The following NTAQ1 variants were observed in gnomAD, a reference collection of about 807,000 sequenced individuals.
NTAQ1 encodes the protein protein N-terminal glutamine amidohydrolase.
A neutral mutation model predicts 28.2 loss-of-function variants in NTAQ1; 21 were observed. The ratio of observed to expected loss-of-function variants is 0.74; its 90% CI spans 0.53 to 1.07. The LOEUF is 1.07. Among genes scored for constraint, NTAQ1 ranks in the 50% least tolerant of loss-of-function variants. The probability of loss-of-function intolerance (pLI) is 0.00; values close to 1 mark genes in which losing one functional copy is unlikely to be tolerated. For synonymous variants in NTAQ1, 105 were observed against 90.0 expected (o/e 1.17, Z -0.94); for missense variants, 264 against 256.6 (o/e 1.03, Z -0.20).
At chr8:123,475,645 G>A in the NTAQ1 span, among the ~76,000 whole-genome samples, 3 of 152,092 alleles carry the variant, frequency 2.0e-5, no homozygotes, top group African/African-American at 4.8e-5. Context: ...ATATCTCTAA[G>A]GCATACTTCT....
At chr8:123,439,931 G>T (rs548427466) in intron 5 of NTAQ1, among the ~76,000 whole-genome samples, 118 of 151,978 alleles carry the variant, frequency 7.8e-4, no homozygotes, top group Middle Eastern at 3.4e-3. Flanking sequence ...TCTAGCCTGG[G>T]TGACAGAGGG....
chr8:123,434,438 T>C (rs1586944551), intron 3 of NTAQ1, among the ~76,000 whole-genome samples: 1 of 151,846 alleles, frequency 6.6e-6, no homozygotes, highest in Non-Finnish European at 1.5e-5. Context: ...ACCAGCCTGG[T>C]CAACATGGTG....
chr8:123,420,592 T>TTTTC (rs1813620592), intron 1 of NTAQ1, among the ~76,000 whole-genome samples: 1 of 124,996 alleles, frequency 8.0e-6, no homozygotes, highest in Non-Finnish European at 1.6e-5. Flanking sequence ...TTTTTTGCCT[T>TTTTC]TTTTTTTTTT....
At chr8:123,473,357 G>A (rs895559588), downstream of NTAQ1, among the ~76,000 whole-genome samples, 17 of 150,308 alleles carry the variant, frequency 1.1e-4, no homozygotes, top group African/African-American at 3.4e-4. Context: ...GTGCAGTGGC[G>A]CGATCTTGGC....
At chr8:123,416,737 G>C, upstream of NTAQ1, 1 of 1,075,696 alleles carries the variant, frequency 9.3e-7, no homozygotes, top group Non-Finnish European at 1.2e-6. Flanking sequence ...TCTCCCCCCG[G>C]GCTCCGCCCA....
chr8:123,432,594 C>T (rs577542743), intron 3 of NTAQ1, among the ~76,000 whole-genome samples: 10 of 151,912 alleles, frequency 6.6e-5, no homozygotes, highest in African/African-American at 2.4e-4. Context: ...GAGATCATAC[C>T]ACTGTACTCC....
intron 1 of NTAQ1, among the ~76,000 whole-genome samples, chr8:123,425,733 G>T (rs1814012863): frequency 6.6e-6 from 1 of 152,030 alleles, no homozygotes; most frequent in African/African-American, 2.4e-5. Flanking sequence ...CTTTGGGCCG[G>T]GCGTGGTGGC....
chr8:123,469,280 C>G (rs1816019074), exon 7 of NTAQ1, among the ~76,000 whole-genome samples: 1 of 152,026 alleles, frequency 6.6e-6, no homozygotes, highest in Non-Finnish European at 1.5e-5. Context: ...AGTGTCATAC[C>G]AAGAAATCAT....
intron 2 of NTAQ1, 29 bp from the exon 3 acceptor site, chr8:123,429,954 T>C (rs1586938681): frequency 1.7e-5 from 26 of 1,555,640 alleles, no homozygotes; most frequent in African/African-American, 1.7e-4. Flanking sequence ...ACTAAAGGTA[T>C]GGCTTACGAA....
intron 1 of NTAQ1, among the ~76,000 whole-genome samples, 169 bp from the exon 2 acceptor site, chr8:123,427,755 A>T (rs1814151523): frequency 6.6e-6 from 1 of 152,184 alleles, no homozygotes. Context: ...TAGGTTGAAT[A>T]CCAGCTTGTT....
chr8:123,430,119 C>CA, intron 3 of NTAQ1, 86 bp downstream of exon 3: 2 of 984,070 alleles, frequency 2.0e-6, no homozygotes, highest in Non-Finnish European at 3.1e-6. Flanking sequence ...CAGAAGTGAC[C>CA]TAAGCAGTAG....
At chr8:123,465,157 C>T (rs1236326874) in intron 6 of NTAQ1, among the ~76,000 whole-genome samples, 3 of 152,178 alleles carry the variant, frequency 2.0e-5, no homozygotes, top group Admixed American at 6.5e-5. Flanking sequence ...AAGGGAGTTC[C>T]ATGTACCCTT....
intron 6 of NTAQ1, among the ~76,000 whole-genome samples, chr8:123,462,883 G>C (rs892420636): frequency 6.6e-6 from 1 of 152,192 alleles, no homozygotes; most frequent in African/African-American, 2.4e-5. Context: ...TAGGACTTGG[G>C]AGAAGATAAA....
chr8:123,432,831 G>A (rs539511651), intron 3 of NTAQ1, among the ~76,000 whole-genome samples: 5 of 151,812 alleles, frequency 3.3e-5, no homozygotes, highest in Admixed American at 3.3e-4. Flanking sequence ...CAGGCATGTG[G>A]CACACGCCTG....
intron 1 of NTAQ1, among the ~76,000 whole-genome samples, chr8:123,420,590 C>CTTTTTTTTTTTT (rs71310676): frequency 9.8e-6 from 1 of 102,034 alleles, no homozygotes; most frequent in Admixed American, 1.4e-4. Context: ...TATTTTTTGC[C>CTTTTTTTTTTTT]TTTTTTTTTT....
At chr8:123,440,230 G>A (rs1264854936) in intron 5 of NTAQ1, among the ~76,000 whole-genome samples, 1 of 123,160 alleles carries the variant, frequency 8.1e-6, no homozygotes, top group East Asian at 2.7e-4. Flanking sequence ...ATCTTGGCTT[G>A]CTACAACCTC....
chr8:123,455,144 G>T (rs182906409), intron 6 of NTAQ1: 1 of 152,314 alleles, frequency 6.6e-6, no homozygotes, highest in Non-Finnish European at 1.5e-5. Context: ...TCATAATTAA[G>T]ATGCCATAGC....
At chr8:123,457,299 T>TC (rs1479996657) in intron 6 of NTAQ1, among the ~76,000 whole-genome samples, 4 of 152,038 alleles carry the variant, frequency 2.6e-5, no homozygotes, top group South Asian at 2.1e-4. Flanking sequence ...ACTCCTGACT[T>TC]CAAGTGATCC....
chr8:123,445,790 G>C (rs753305297), downstream of NTAQ1, among the ~76,000 whole-genome samples: 46 of 151,736 alleles, frequency 3.0e-4, no homozygotes, highest in Middle Eastern at 3.4e-3. Flanking sequence ...ATTTTTAATA[G>C]AGACAGGGTT....
Sources: allele counts gnomAD v4.1 joint callset (sites outside exome capture counted in the v4.1 genomes callset), GRCh38; gene constraint gnomAD v4.1.1; transcripts MANE v1.5; gene names NCBI Gene and HGNC (gene_info 2026-07-23, HGNC 2026-07-21).